The following RPH3AL variants were observed in gnomAD, a reference collection of about 807,000 sequenced individuals.
RPH3AL encodes rab effector Noc2.
In RPH3AL, 38 loss-of-function variants were observed where a neutral mutation model predicts 43.1. The ratio of observed to expected loss-of-function variants is 0.88; its 90% CI spans 0.68 to 1.15. The LOEUF is 1.15. Among genes scored for constraint, RPH3AL ranks in the 50% most tolerant of loss-of-function variants. The pLI is 0.00. For missense variants in RPH3AL, 462 were observed against 423.2 expected (o/e 1.09, Z -0.81); for synonymous variants, 189 against 176.3 (o/e 1.07, Z -0.57).
rs576264847 is a variant in RPH3AL at position 215,209 on chromosome 17, C to T, written c.876+445G>A. Reference sequence around the variant, plus strand: ...TCAGTTTAAGGAGAACCCTCACCCCCGCCACAGGATGATCCTGGGCCAACC... The same window carrying T: ...TCAGTTTAAGGAGAACCCTCACCCCTGCCACAGGATGATCCTGGGCCAACC... On this transcript the variant is annotated intron_variant, in intron 9 of 9. Coordinates refer to ENST00000331302, the MANE Select transcript of RPH3AL (RefSeq NM_006987.4). The surrounding 1 kb of genome is among the most constrained non-coding windows in gnomAD (Gnocchi z 4.1). Among the ~76,000 whole-genome samples, 3 of 152,270 alleles carry T rather than the reference C, an allele frequency of 2.0e-5. No individual in the cohort carries two copies. The highest frequency in any genetic ancestry group is 4.1e-4 in the South Asian group (2 of 4,826).
intron 1 of RPH3AL, among the ~76,000 whole-genome samples, chr17:336,622 G>T (rs1434373519): frequency 6.6e-6 from 1 of 152,168 alleles, no homozygotes; most frequent in Non-Finnish European, 1.5e-5. Context: ...CAGCCAGAGA[G>T]ACCATCCTTA....
intron 6 of RPH3AL, among the ~76,000 whole-genome samples, chr17:263,194 C>CCT (rs1555546887): frequency 6.6e-6 from 1 of 152,150 alleles, no homozygotes; most frequent in Non-Finnish European, 1.5e-5. Context: ...GAAGAGGCGG[C>CCT]CTCCATATCC....
intron 5 of RPH3AL, among the ~76,000 whole-genome samples, chr17:286,953 G>GTCAGACCTCGCACCCTCTCTCTCCACCA (rs2042931778): frequency 1.5e-5 from 1 of 66,692 alleles, no homozygotes. Context: ...TCTCTCCACC[G>GTCAGACCTCGCACCCTCTCTCTCCACCA]TCAGACCTCG....
rs1429597332 is a variant in RPH3AL, at chr17:246,612, GAC to G, written c.613+497_613+498del. Among the ~76,000 whole-genome samples the G allele has an allele frequency of 2.0e-5, 3 of 152,064 alleles. No individual in the cohort carries two copies. The highest frequency in any genetic ancestry group is 7.2e-5 in the African/African-American group (3 of 41,412). ...GTTGCCAAGTGGGGCGGCCACCTGA[GAC>G]ACACACACCTTACTGTAGCCACCAG... On this transcript the variant is annotated intron_variant, in intron 7 of 9. Coordinates refer to ENST00000331302, the MANE Select transcript of RPH3AL (RefSeq NM_006987.4). The surrounding 1 kb of genome is among the most constrained non-coding windows in gnomAD (Gnocchi z 4.8).
At chr17:272,971 A>G (rs1472317960) in intron 6 of RPH3AL, among the ~76,000 whole-genome samples, 4 of 103,980 alleles carry the variant, frequency 3.8e-5, no homozygotes, top group African/African-American at 1.1e-4. Context: ...TCAGGGTGAG[A>G]CCCCAGCAAG....
Position 213,617 on chromosome 17 carries a change from A to G in RPH3AL, c.*235T>C. 3 of 583,906 alleles carry G rather than the reference A, an allele frequency of 5.1e-6. No homozygotes were observed. The South Asian group carries it at 6.0e-5, about 12-fold the overall frequency. 36.2% of individuals were successfully genotyped at this position (583,906 alleles called of 1,614,324 possible). ...GGGGTGTGGGAGGGGAGGGTAATAAATAAGGTCGGGGGCTGAGGGCAGTGG... is the reference window on the plus strand; with the variant it reads ...GGGGTGTGGGAGGGGAGGGTAATAAGTAAGGTCGGGGGCTGAGGGCAGTGG... On this transcript the variant is annotated 3_prime_UTR_variant, in exon 10 of 10. Transcript: ENST00000331302.
chr17:217,378 C>A (rs1221706673), intron 8 of RPH3AL, among the ~76,000 whole-genome samples: 1 of 75,288 alleles, frequency 1.3e-5, no homozygotes, highest in Non-Finnish European at 3.9e-5. Flanking sequence ...AAATCAGGAC[C>A]CCCAAGGCAT....
intron 7 of RPH3AL, among the ~76,000 whole-genome samples, chr17:221,713 C>T (rs1597875417): frequency 7.5e-6 from 1 of 134,106 alleles, no homozygotes; most frequent in Non-Finnish European, 1.6e-5. Flanking sequence ...GACCCAAGCA[C>T]ATCAGCTCTG....
chr17:327,625 G>T lies in RPH3AL; in HGVS notation c.-36-46C>A, dbSNP rs143111444. On this transcript the variant is annotated intron_variant, in intron 2 of 9. Transcript: ENST00000331302. ...CGAAAGAGTGTGCATCATTGGCTGG[G>T]GTACAGATGGCAGACAGGTTCTCTG... 598 of 1,284,802 alleles carry T rather than the reference G, an allele frequency of 4.7e-4. 1 individual carries two copies. The African/African-American group carries it at 7.4e-3, about 16-fold the overall frequency. 79.6% of individuals were successfully genotyped at this position (1,284,802 alleles called of 1,614,324 possible).
rs2040773642 is a variant in RPH3AL at position 215,442 on chromosome 17, AG to A, written c.876+211del. ...ACTGCTGTGATTACCGAGAGTGGCTAGGGATGGCTACCATTATCATTCTGGG... is the reference window on the plus strand; with the variant it reads ...ACTGCTGTGATTACCGAGAGTGGCTAGGATGGCTACCATTATCATTCTGGG... On this transcript the variant is annotated intron_variant, in intron 9 of 9. Coordinates refer to ENST00000331302, the MANE Select transcript of RPH3AL (RefSeq NM_006987.4). This position sits in a 1 kb window ranked among gnomAD's most constrained non-coding sequence, Gnocchi z 4.1. Among the ~76,000 whole-genome samples, 2 of 152,216 alleles carry A rather than the reference AG, an allele frequency of 1.3e-5. No homozygotes were observed. Among genetic ancestry groups the A allele is most frequent in the Admixed American group, 6.5e-5 (1 of 15,280 alleles).
intron 1 of RPH3AL, among the ~76,000 whole-genome samples, chr17:342,220 G>A (rs1278306646): frequency 3.3e-5 from 5 of 152,200 alleles, no homozygotes; most frequent in African/African-American, 4.8e-5. Flanking sequence ...ACAAGTGTTC[G>A]TGAGGATGTG....
At chr17:258,322 G>A (rs1439587409) in intron 6 of RPH3AL, among the ~76,000 whole-genome samples, 3 of 152,232 alleles carry the variant, frequency 2.0e-5, no homozygotes, top group Admixed American at 6.5e-5. Flanking sequence ...CTGGTTGAAT[G>A]ACTGTGCTGG....
chr17:253,335 T>G (rs1271147595), intron 6 of RPH3AL, among the ~76,000 whole-genome samples: 1 of 152,080 alleles, frequency 6.6e-6, no homozygotes, highest in African/African-American at 2.4e-5. Context: ...ATCTCTGTCG[T>G]GAGTCTTCAG....
At chr17:230,394 C>A (rs530148632) in intron 7 of RPH3AL, among the ~76,000 whole-genome samples, 2 of 152,274 alleles carry the variant, frequency 1.3e-5, no homozygotes, top group East Asian at 3.9e-4. Context: ...CCAGAGAGAA[C>A]GCGAAGTGCG....
chr17:255,992 G>T (rs553450704), intron 6 of RPH3AL, among the ~76,000 whole-genome samples: 1 of 66,320 alleles, frequency 1.5e-5, no homozygotes, highest in East Asian at 4.7e-4. Context: ...GGAGCTGCAC[G>T]GTGTCTGTCC....
chr17:243,247 ACCTTTCTCTATTGATTAC>A (rs2041625307), intron 7 of RPH3AL, among the ~76,000 whole-genome samples: 2 of 133,280 alleles, frequency 1.5e-5, no homozygotes, highest in South Asian at 2.4e-4. Context: ...TCTATTGATT[ACCTTTCTCTATTGATTAC>A]CCTTCCTCTA....
intron 5 of RPH3AL, among the ~76,000 whole-genome samples, chr17:300,819 C>T (rs573310525): frequency 1.2e-4 from 17 of 146,596 alleles, no homozygotes; most frequent in Admixed American, 6.0e-4. Context: ...ATCTCTTACC[C>T]GCTCTAGCAG....
Position 292,214 on chromosome 17 carries a change from T to C in RPH3AL, c.352-10360A>G, listed in dbSNP as rs565842318. Among the ~76,000 whole-genome samples the C allele has an allele frequency of 9.9e-5, 15 of 152,266 alleles. No individual in the cohort carries two copies. In the South Asian group the frequency reaches 2.5e-3, roughly 25 times the overall value. On this transcript the variant is annotated intron_variant, in intron 5 of 9. Transcript: ENST00000331302. ...GCCCCTCCGATCATAAGCTCAGCCC[T>C]GCTCAGCCCCTGAAGTGCCATCCGC...
At chr17:275,240 AACAAAAAAC>A (rs760563229) in intron 6 of RPH3AL, among the ~76,000 whole-genome samples, 1,742 of 84,896 alleles carry the variant, frequency 0.021, 15 homozygotes, top group Non-Finnish European at 0.024. Flanking sequence ...CAGCAAAAAA[AACAAAAAAC>A]AAAAAAAGGA....
Sources: gnomAD v4.1 joint callset for allele counts (sites outside exome capture counted in the v4.1 genomes callset) on GRCh38, gnomAD v4.1.1 for gene constraint, Gnocchi (gnomAD v3.1) non-coding constraint, MANE v1.5 for transcripts, NCBI Gene and HGNC (gene_info 2026-07-23, HGNC 2026-07-21) for gene names.